Variants in TRHDE observed in about 807,000 individuals in gnomAD.
The protein encoded by TRHDE is thyrotropin releasing hormone degrading enzyme.
A neutral mutation model predicts 125.7 loss-of-function variants in TRHDE; 72 were observed. That is an observed-to-expected ratio of 0.57 (90% CI 0.47 to 0.70). The LOEUF is 0.70. Ranked by LOEUF, TRHDE falls within the 30% of genes least tolerant of loss-of-function variation. The pLI, the probability that TRHDE is intolerant of heterozygous loss-of-function variation, is 0.00. For missense variants in TRHDE, 1,110 were observed against 1,327.1 expected, an observed-to-expected ratio of 0.84 and a Z score of 2.54; for synonymous variants, 509 against 509.1, an observed-to-expected ratio of 1.00 and a Z score of 0.00.
intron 3 of TRHDE, among the ~76,000 whole-genome samples, chr12:72,445,299 A>G (rs1043692528): frequency 1.3e-5 from 2 of 151,874 alleles, no homozygotes; most frequent in Non-Finnish European, 2.9e-5. Flanking sequence ...TCTACATGTC[A>G]TGTATAATAC....
intron 6 of TRHDE, among the ~76,000 whole-genome samples, chr12:72,512,571 TATAATCATATA>T (rs1451029726): frequency 3.5e-4 from 49 of 140,754 alleles, no homozygotes; most frequent in Non-Finnish European, 7.3e-4. Flanking sequence ...TAATATAATA[TATAATCATATA>T]ATAATCATAT....
At chr12:72,380,812 TTCCTTA>T in intron 3 of TRHDE, among the ~76,000 whole-genome samples, 1 of 144,596 alleles carries the variant, frequency 6.9e-6, no homozygotes, top group Non-Finnish European at 1.5e-5. Flanking sequence ...CCTTCCTTCC[TTCCTTA>T]TTCCCTCCCT....
intron 6 of TRHDE, among the ~76,000 whole-genome samples, chr12:72,512,486 T>C (rs866935796): frequency 1.4e-5 from 2 of 139,454 alleles, no homozygotes; most frequent in African/African-American, 5.3e-5. Flanking sequence ...AATTATATAA[T>C]AATAATATAT....
At chr12:72,332,717 G>T (rs936938752) in intron 2 of TRHDE, among the ~76,000 whole-genome samples, 1 of 152,168 alleles carries the variant, frequency 6.6e-6, no homozygotes, top group South Asian at 2.1e-4. Flanking sequence ...ACTGGGCTAG[G>T]CACTAGAGTG....
rs1879274541 is a variant in TRHDE, at chr12:72,272,696, AGAAAAAGAAGAG to A, written c.57_68del (p.Arg22_Lys25del). The A allele has an allele frequency of 1.2e-5, 17 of 1,376,394 alleles. No homozygotes were observed. The East Asian group carries it at 1.6e-4, about 13-fold the overall frequency. The allele number at this position is 1,376,394 out of a possible 1,614,324, so 85.3% of individuals were successfully genotyped here. On this transcript the variant is annotated inframe_deletion, in exon 1 of 19. Transcript: ENST00000261180. The surrounding 1 kb of genome is among the most constrained non-coding windows in gnomAD (Gnocchi z 6.7). ...CAAGAGGAGGAGAAGAAAAAGAAGAAGAAAAAGAAGAGGAAGAAGAAGAAGGAGGAGGAGGAG... is the reference window on the plus strand; with the variant it reads ...CAAGAGGAGGAGAAGAAAAAGAAGAAGAAGAAGAAGAAGGAGGAGGAGGAG...
chr12:72,420,297 T>A (rs1221696287), intron 3 of TRHDE, among the ~76,000 whole-genome samples: 4 of 152,204 alleles, frequency 2.6e-5, no homozygotes, highest in Non-Finnish European at 5.9e-5. Flanking sequence ...TTGTTTCATA[T>A]TCTTAATTCT....
intron 2 of TRHDE, among the ~76,000 whole-genome samples, chr12:72,224,104 A>G (rs1878059150): frequency 5.5e-5 from 2 of 36,230 alleles, no homozygotes; most frequent in Non-Finnish European, 1.2e-4. Context: ...CTATCTATCT[A>G]TCTATCTATC....
chr12:72,391,191 A>G (rs1278842998), intron 3 of TRHDE, among the ~76,000 whole-genome samples: 3 of 152,232 alleles, frequency 2.0e-5, no homozygotes, highest in Non-Finnish European at 4.4e-5. Flanking sequence ...TTTTAAATGA[A>G]AAATGTACTC....
intron 2 of TRHDE, among the ~76,000 whole-genome samples, chr12:72,259,166 A>G (rs1878888322): frequency 6.6e-6 from 1 of 152,136 alleles, no homozygotes; most frequent in Non-Finnish European, 1.5e-5. Flanking sequence ...CTAATTTAAG[A>G]AATAATCTCT....
chr12:72,432,798 A>T (rs1176746046), intron 3 of TRHDE, among the ~76,000 whole-genome samples: 1 of 152,130 alleles, frequency 6.6e-6, no homozygotes, highest in Non-Finnish European at 1.5e-5. Flanking sequence ...TCTAATACAG[A>T]TGCCTTTCAT....
At chr12:72,411,825 A>G (rs1343854646) in intron 3 of TRHDE, among the ~76,000 whole-genome samples, 1 of 152,184 alleles carries the variant, frequency 6.6e-6, no homozygotes. Context: ...GAAGAAACCC[A>G]CTTATTGAGG....
intron 2 of TRHDE, among the ~76,000 whole-genome samples, chr12:72,226,655 C>A (rs1025317060): frequency 6.6e-6 from 1 of 152,106 alleles, no homozygotes; most frequent in Non-Finnish European, 1.5e-5. Flanking sequence ...TGACTTACTG[C>A]AATGAAGAAT....
At chr12:72,266,493 T>A (rs1256784063) in intron 2 of TRHDE, among the ~76,000 whole-genome samples, 2 of 151,536 alleles carry the variant, frequency 1.3e-5, no homozygotes, top group Non-Finnish European at 2.9e-5. Flanking sequence ...TTTATCATTA[T>A]CTTACAAAAT....
At chr12:72,312,583 T>C (rs1200996469) in intron 2 of TRHDE, among the ~76,000 whole-genome samples, 1 of 152,178 alleles carries the variant, frequency 6.6e-6, no homozygotes, top group Non-Finnish European at 1.5e-5. Flanking sequence ...AAAAAGGTAA[T>C]ATTGGTAGCC....
At chr12:72,539,636 A>G (rs930647138) in intron 6 of TRHDE, among the ~76,000 whole-genome samples, 1 of 151,904 alleles carries the variant, frequency 6.6e-6, no homozygotes, top group Admixed American at 6.6e-5. Context: ...AAAATAAAAG[A>G]AAATTTAGGT....
At chr12:72,575,650 T>A (rs1305680379) in intron 12 of TRHDE, 108 bp downstream of exon 12, 1 of 1,054,816 alleles carries the variant, frequency 9.5e-7, no homozygotes, top group Admixed American at 2.2e-5. Flanking sequence ...TAAAAAAATC[T>A]ATTTCTATCT....
intron 2 of TRHDE, among the ~76,000 whole-genome samples, chr12:72,109,837 C>T (rs910872374): frequency 6.6e-6 from 1 of 152,008 alleles, no homozygotes; most frequent in Admixed American, 6.6e-5. Flanking sequence ...TGTGGCTGAG[C>T]ACATTCCCTT....
intron 2 of TRHDE, among the ~76,000 whole-genome samples, chr12:72,174,607 A>G (rs1470308671): frequency 1.3e-5 from 2 of 151,530 alleles, no homozygotes; most frequent in Non-Finnish European, 2.9e-5. Flanking sequence ...TTCATGGATG[A>G]TATGTTTGGA....
chr12:72,545,751 T>A (rs1478708212), intron 7 of TRHDE, among the ~76,000 whole-genome samples: 2 of 151,810 alleles, frequency 1.3e-5, no homozygotes, highest in East Asian at 1.9e-4. Context: ...TTCCTTGGCT[T>A]TTATTTACTT....
Sources: gnomAD v4.1 joint callset for allele counts (sites outside exome capture counted in the v4.1 genomes callset) on GRCh38, gnomAD v4.1.1 for gene constraint, Gnocchi (gnomAD v3.1) non-coding constraint, MANE v1.5 for transcripts, NCBI Gene and HGNC (gene_info 2026-07-23, HGNC 2026-07-21) for gene names.